The following NUP214 variants were observed in gnomAD, a reference collection of about 807,000 sequenced individuals.
NUP214 encodes the protein nucleoporin 214.
In NUP214, 79 loss-of-function variants were observed where a neutral mutation model predicts 196.2. The observed-to-expected ratio is 0.40, with a 90% confidence interval of 0.34 to 0.49. NUP214 has a LOEUF of 0.49. NUP214 is among the 20% of genes least tolerant of loss of function. NUP214 has a pLI of 0.58. For missense variants in NUP214, 2,468 were observed against 2,539.0 expected (o/e 0.97, Z 0.60); for synonymous variants, 1,020 against 990.5 (o/e 1.03, Z -0.56).
intron 30 of NUP214, among the ~76,000 whole-genome samples, chr9:131,213,105 A>G (rs1048247524): frequency 6.6e-6 from 1 of 152,054 alleles, no homozygotes; most frequent in African/African-American, 2.4e-5. Context: ...ATAACTATCA[A>G]TTCATGTTGA....
chr9:131,230,625 C>G lies in NUP214; in HGVS notation c.6075-5C>G. On this transcript the variant is annotated splice_region_variant and splice_polypyrimidine_tract_variant and intron_variant, in intron 33 of 35. Transcript: ENST00000359428. The stretch of plus-strand genomic sequence containing the variant: ...GACCTCAGTCTGTTTCTCACTGGAG[C>G]GCAGGTTTGGGAGCAGCAGCAACAC... The G allele has an allele frequency of 6.2e-7, 1 of 1,613,840 alleles. No individual in the cohort carries two copies. Among genetic ancestry groups the G allele is most frequent in the Non-Finnish European group, 8.5e-7 (1 of 1,179,950 alleles).
chr9:131,163,997 T>A (rs1260567266), intron 20 of NUP214, 42 bp downstream of exon 20: 12 of 1,612,098 alleles, frequency 7.4e-6, no homozygotes, highest in Non-Finnish European at 1.0e-5. Flanking sequence ...CTTTATTCTC[T>A]TCCAAGTACT....
intron 31 of NUP214, among the ~76,000 whole-genome samples, chr9:131,220,503 G>A (rs913299914): frequency 6.6e-6 from 1 of 152,168 alleles, no homozygotes; most frequent in Non-Finnish European, 1.5e-5. Flanking sequence ...AAATGAAAAG[G>A]ATTTGATTAT....
intron 17 of NUP214, 47 bp downstream of exon 17, chr9:131,151,941 A>G: frequency 2.1e-6 from 3 of 1,457,764 alleles, no homozygotes; most frequent in Non-Finnish European, 1.8e-6. Flanking sequence ...AAACAAGCTC[A>G]TGTAACAATT....
intron 31 of NUP214, among the ~76,000 whole-genome samples, chr9:131,220,226 C>T (rs1341574257): frequency 1.3e-5 from 2 of 152,094 alleles, no homozygotes; most frequent in African/African-American, 2.4e-5. Flanking sequence ...AAATATTGTT[C>T]GGTCCGCCAA....
chr9:131,144,980 G>A (rs528196820), intron 12 of NUP214, among the ~76,000 whole-genome samples: 125 of 152,270 alleles, frequency 8.2e-4, no homozygotes, highest in Non-Finnish European at 1.4e-3. Context: ...TTGACTATGG[G>A]ATTTATATTC....
At chr9:131,174,636 A>G (rs1833062866) in intron 22 of NUP214, among the ~76,000 whole-genome samples, 1 of 151,542 alleles carries the variant, frequency 6.6e-6, no homozygotes, top group Non-Finnish European at 1.5e-5. Context: ...TTTAGTGGAG[A>G]CGGGGTTTCA....
intron 32 of NUP214, among the ~76,000 whole-genome samples, chr9:131,226,438 G>A (rs148698969): frequency 6.6e-5 from 10 of 151,334 alleles, no homozygotes; most frequent in African/African-American, 1.9e-4. Context: ...ATATTTAACC[G>A]CCACCCCTCC....
intron 31 of NUP214, among the ~76,000 whole-genome samples, chr9:131,222,064 G>A (rs539734430): frequency 2.6e-5 from 4 of 152,248 alleles, no homozygotes; most frequent in South Asian, 4.1e-4. Flanking sequence ...GTTGAGAGGG[G>A]GATGACCCCC....
intron 4 of NUP214, among the ~76,000 whole-genome samples, chr9:131,130,137 G>GTTTTTTTTTTTGTTTTTTTTTTTTTTTT (rs1554728065): frequency 7.8e-5 from 6 of 76,894 alleles, no homozygotes; most frequent in Non-Finnish European, 1.4e-4. Context: ...TTCTGGTTTT[G>GTTTTTTTTTTTGTTTTTTTTTTTTTTTT]TTTTTTTTTT....
At chr9:131,190,210 G>A (rs1833560256) in intron 26 of NUP214, 2 of 425,292 alleles carry the variant, frequency 4.7e-6, no homozygotes, top group Non-Finnish European at 8.2e-6. Context: ...AAAGCTTTAT[G>A]TTAAAAGGAA....
chr9:131,169,207 G>A (rs919075956), intron 21 of NUP214, among the ~76,000 whole-genome samples: 2 of 151,608 alleles, frequency 1.3e-5, no homozygotes, highest in African/African-American at 4.8e-5. Flanking sequence ...TAATTTTTTT[G>A]TATTTTTAGT....
At chr9:131,193,944 C>G (rs768025897) in intron 27 of NUP214, 1 of 151,422 alleles carries the variant, frequency 6.6e-6, no homozygotes, top group Non-Finnish European at 1.5e-5. Flanking sequence ...AGCCACTGCA[C>G]CTGGCCCTCT....
chr9:131,230,448 A>G, intron 33 of NUP214, 182 bp from the exon 34 acceptor site: 1 of 623,788 alleles, frequency 1.6e-6, no homozygotes, highest in Non-Finnish European at 2.8e-6. Flanking sequence ...CCTAGAGCAG[A>G]GATAAAAGTT....
chr9:131,208,430 G>T (rs1372583134), intron 30 of NUP214, among the ~76,000 whole-genome samples: 1 of 152,236 alleles, frequency 6.6e-6, no homozygotes. Context: ...GGGTGCAGTG[G>T]CTCACGCCTG....
intron 24 of NUP214, among the ~76,000 whole-genome samples, chr9:131,183,993 G>GTATTT (rs939077664): frequency 7.7e-6 from 1 of 129,706 alleles, no homozygotes; most frequent in African/African-American, 2.9e-5. Flanking sequence ...TACACTATTC[G>GTATTT]TATTTTTTCT....
At chr9:131,157,139 T>TG (rs1564188899) in intron 17 of NUP214, among the ~76,000 whole-genome samples, 2 of 86,198 alleles carry the variant, frequency 2.3e-5, no homozygotes, top group Admixed American at 1.5e-4. Flanking sequence ...CGTTTAGCTC[T>TG]GTTTTTTTTT....
intron 33 of NUP214, 154 bp from the exon 34 acceptor site, chr9:131,230,476 C>T: frequency 1.2e-6 from 1 of 819,480 alleles, no homozygotes; most frequent in Non-Finnish European, 1.9e-6. Context: ...GGCGATAGCT[C>T]ATTCTCTCTG....
rs1588141235 is a variant in NUP214 at position 131,163,448 on chromosome 9, C to T, written c.2723+275C>T. 9 of 444,584 alleles carry T rather than the reference C, an allele frequency of 2.0e-5. No homozygotes were observed. The East Asian group carries it at 3.6e-4, about 18-fold the overall frequency. 27.5% of individuals were successfully genotyped at this position (444,584 alleles called of 1,614,324 possible). On this transcript the variant is annotated intron_variant, in intron 19 of 35. Transcript: ENST00000359428. ...TGAATATATCATAGCAAGTGATACA[C>T]CATAGTAACAGTGTCATGGTTTGAT...
Sources: allele counts gnomAD v4.1 joint callset (sites outside exome capture counted in the v4.1 genomes callset), GRCh38; gene constraint gnomAD v4.1.1; transcripts MANE v1.5; gene names NCBI Gene and HGNC (gene_info 2026-07-23, HGNC 2026-07-21).